MAOA: variants seen among roughly 807,000 people sequenced by gnomAD.
MAOA encodes amine oxidase [flavin-containing] A.
A neutral mutation model predicts 42.0 loss-of-function variants in MAOA; 6 were observed. The ratio of observed to expected loss-of-function variants is 0.14; its 90% CI spans 0.08 to 0.28. The LOEUF is 0.28. MAOA is among the 10% of genes least tolerant of loss of function. The pLI is 1.00. For missense variants in MAOA, 262 were observed against 422.3 expected (o/e 0.62, Z 3.33); for synonymous variants, 140 against 154.0 (o/e 0.91, Z 0.67).
chrX:43,691,892 G>A (rs764486126), intron 2 of MAOA, among the ~76,000 whole-genome samples: 1 of 110,434 alleles, frequency 9.1e-6, no homozygotes, highest in South Asian at 3.9e-4. Context: ...TATCACGTTG[G>A]GTAGCTCCAG....
intron 9 of MAOA, among the ~76,000 whole-genome samples, chrX:43,735,688 C>T (rs989434330): frequency 1.2e-4 from 14 of 112,660 alleles, no homozygotes; most frequent in Non-Finnish European, 2.2e-4. Context: ...TGTCTTCAAC[C>T]GCATCTAGGT....
At position 43,693,309 on chromosome X, in the gene MAOA, G is replaced by A. The variant is rs2033551075; in HGVS notation, c.187G>A (p.Val63Ile). ...YTIRNEHVDY[V>I]DVGGAYVGPT... Reference sequence around the variant, plus strand: ...TTTGCAGAATGAGCATGTTGATTACGTAGATGTTGGTGGAGCTTATGTGGG... The same window carrying A: ...TTTGCAGAATGAGCATGTTGATTACATAGATGTTGGTGGAGCTTATGTGGG... Residue 63 changes from valine to isoleucine, a missense_variant, in exon 3 of 15, where the codon GTA (valine) becomes ATA (isoleucine). Around this residue, in one of 3 missense-constraint regions of MAOA, gnomAD observed 141 missense variants for 195.6 expected, o/e 0.72. Transcript: ENST00000338702. 3 of 1,210,346 alleles carry A rather than the reference G, an allele frequency of 2.5e-6. No homozygotes were observed. The highest frequency in any genetic ancestry group is 1.8e-5 in the South Asian group (1 of 56,962).
At chrX:43,663,044 G>A (rs1284437473) in intron 1 of MAOA, among the ~76,000 whole-genome samples, 1 of 111,656 alleles carries the variant, frequency 9.0e-6, no homozygotes, top group Non-Finnish European at 1.9e-5. Flanking sequence ...CTATGGTTTT[G>A]TCATCCAAGA....
chrX:43,734,267 A>T (rs1198451144), intron 9 of MAOA, among the ~76,000 whole-genome samples: 1 of 109,790 alleles, frequency 9.1e-6, no homozygotes, highest in Non-Finnish European at 1.9e-5. Context: ...AATAATAATA[A>T]TTGGTTATAG....
chrX:43,714,674 A>G (rs1336560648), intron 5 of MAOA, among the ~76,000 whole-genome samples: 1 of 107,947 alleles, frequency 9.3e-6, no homozygotes, highest in African/African-American at 3.4e-5. Context: ...ATGCCCCCAC[A>G]GTGTTAGGGA....
intron 5 of MAOA, among the ~76,000 whole-genome samples, chrX:43,713,575 A>G (rs193142110): frequency 4.9e-4 from 55 of 112,209 alleles, no homozygotes; most frequent in African/African-American, 1.6e-3. Flanking sequence ...ACCATGTCTT[A>G]TTAGTTTATG....
intron 3 of MAOA, among the ~76,000 whole-genome samples, chrX:43,704,071 GAAGA>G (rs2147090617): frequency 9.0e-6 from 1 of 111,471 alleles, no homozygotes; most frequent in Admixed American, 9.6e-5. Context: ...AAAGTTTAAA[GAAGA>G]ATTAATACCA....
chrX:43,692,152 G>A (rs3027392), intron 2 of MAOA, among the ~76,000 whole-genome samples: 5,444 of 110,291 alleles, frequency 0.049, 140 homozygotes, highest in Middle Eastern at 0.092. Context: ...GGCAGGGGGA[G>A]TTGCTGACCA....
Position 43,742,514 on chromosome X carries a change from C to T in MAOA, c.1262+467C>T, listed in dbSNP as rs142743543. ...AGTTGAGATGTGAGGAAATGACATC[C>T]ACGTGGGGTGGGTCCACCTTGACCT... On this transcript the variant is annotated intron_variant, in intron 12 of 14. Coordinates refer to ENST00000338702, the MANE Select transcript of MAOA (RefSeq NM_000240.4). Among the ~76,000 whole-genome samples, 288 of 112,603 alleles carry T rather than the reference C, an allele frequency of 2.6e-3. 2 individuals are homozygous for T. The highest frequency in any genetic ancestry group is 8.9e-3 in the African/African-American group (277 of 31,026).
intron 1 of MAOA, among the ~76,000 whole-genome samples, chrX:43,670,338 G>T (rs1357304225): frequency 9.0e-6 from 1 of 111,618 alleles, no homozygotes; most frequent in Non-Finnish European, 1.9e-5. Flanking sequence ...TGGGATTTTT[G>T]TTTTGTTTTG....
chrX:43,691,800 CAGTCTCAATATTGCTTATAAACATAGAT>C (rs1280306002), intron 2 of MAOA, among the ~76,000 whole-genome samples: 1 of 111,324 alleles, frequency 9.0e-6, no homozygotes, highest in Non-Finnish European at 1.9e-5. Context: ...AATCATAGGC[CAGTCTCAATATTGCTTATAAACATAGAT>C]ATAAAAATTC....
intron 1 of MAOA, among the ~76,000 whole-genome samples, chrX:43,657,179 TTATATATATATATGAACTGTGTTTA>T (rs2033188844): frequency 3.3e-5 from 3 of 92,265 alleles, no homozygotes; most frequent in East Asian, 3.4e-4. Flanking sequence ...TGAACTGTGT[TTATATATATATATGAACTGTGTTTA>T]TATATATATA....
intron 1 of MAOA, among the ~76,000 whole-genome samples, chrX:43,677,838 A>C (rs1308610419): frequency 9.0e-6 from 1 of 111,376 alleles, no homozygotes; most frequent in Non-Finnish European, 1.9e-5. Context: ...TTTCTTCCTA[A>C]TGAGCTCTGT....
At chrX:43,689,662 A>G (rs1302468029) in intron 2 of MAOA, among the ~76,000 whole-genome samples, 1 of 111,862 alleles carries the variant, frequency 8.9e-6, no homozygotes, top group African/African-American at 3.2e-5. Context: ...TATTAATTTT[A>G]TTTTATTCTA....
rs6609256 is a variant in MAOA, at chrX:43,741,261, C to G, written c.1164+523C>G. Among the ~76,000 whole-genome samples the G allele has an allele frequency of 9.1e-5, 10 of 109,507 alleles. No individual in the cohort carries two copies. The East Asian group carries it at 2.9e-3, about 31-fold the overall frequency. ...AGTGCTTTCAATCCACCACTGAAAG[C>G]AATTAGGAGAATGAAATTACGTCTT... On this transcript the variant is annotated intron_variant, in intron 11 of 14. Coordinates refer to ENST00000338702, the MANE Select transcript of MAOA (RefSeq NM_000240.4).
chrX:43,676,056 A>G (rs1252928903), intron 1 of MAOA, among the ~76,000 whole-genome samples: 1 of 112,376 alleles, frequency 8.9e-6, no homozygotes, highest in Non-Finnish European at 1.9e-5. Context: ...GTTGGAGCCT[A>G]CAGAGGCAGG....
At chrX:43,658,163 A>G (rs2033201546) in intron 1 of MAOA, among the ~76,000 whole-genome samples, 2 of 111,815 alleles carry the variant, frequency 1.8e-5, no homozygotes, top group East Asian at 2.8e-4. Context: ...AATGTGTTAT[A>G]TACATTGACT....
chrX:43,719,903 T>A (rs1264724482), intron 5 of MAOA, among the ~76,000 whole-genome samples: 1 of 111,128 alleles, frequency 9.0e-6, no homozygotes, highest in Non-Finnish European at 1.9e-5. Flanking sequence ...TGTGGCAGGA[T>A]GGTATCTTCC....
intron 5 of MAOA, among the ~76,000 whole-genome samples, chrX:43,715,541 A>G (rs1019718470): frequency 6.3e-5 from 7 of 110,912 alleles, no homozygotes; most frequent in African/African-American, 2.3e-4. Context: ...GAAGTGTGGA[A>G]GGTGACCAGG....
Sources: allele counts gnomAD v4.1 joint callset (sites outside exome capture counted in the v4.1 genomes callset), GRCh38; gene constraint gnomAD v4.1.1; regional missense constraint gnomAD v4.1.1; transcripts MANE v1.5; gene names NCBI Gene and HGNC (gene_info 2026-07-23, HGNC 2026-07-21).